Variants in HIC1 observed in about 807,000 individuals in gnomAD.
The protein encoded by HIC1 is HIC ZBTB transcriptional repressor 1.
HIC1 carries 9 observed loss-of-function variants against 26.4 expected under a neutral mutation model. The observed-to-expected ratio is 0.34, with a 90% CI of 0.21 to 0.59. HIC1 has a LOEUF of 0.59. Ranked by LOEUF, HIC1 falls within the 20% of genes least tolerant of loss-of-function variation. The pLI, the probability that HIC1 is intolerant of heterozygous loss-of-function variation, is 0.82. For missense variants in HIC1, 965 were observed against 1,075.7 expected (o/e 0.90, Z 1.44); for synonymous variants, 631 against 523.1 (o/e 1.21, Z -2.81).
Position 2,058,143 on chromosome 17 carries a change from C to T in HIC1, c.1453C>T (p.Leu485=), listed in dbSNP as rs768103838. 5.2e-5 allele frequency: 84 copies of T among 1,607,050 alleles called. No homozygotes were observed. The highest frequency in any genetic ancestry group is 6.9e-5 in the Non-Finnish European group (81 of 1,179,200). ...AGAPGGLGEL[L]RPYRCASCDK... is the part of the protein sequence containing the mutation. Reference sequence around the variant, plus strand: ...GGCTCCGGGTGGCCTGGGAGAGCTGCTGCGGCCCTACCGCTGCGCGTCGTG... The same window carrying T: ...GGCTCCGGGTGGCCTGGGAGAGCTGTTGCGGCCCTACCGCTGCGCGTCGTG... Residue 485 remains leucine, a synonymous_variant, in exon 2 of 2, where the codon CTG becomes TTG. Coordinates refer to ENST00000619757, the MANE Select transcript of HIC1 (RefSeq NM_006497.4).
Position 2,063,061 on chromosome 17 carries a change from T to C in HIC1, c.*4226T>C. The C allele has an allele frequency of 6.6e-6, 1 of 152,386 alleles. No homozygotes were observed. The highest frequency in any genetic ancestry group is 6.5e-5 in the Admixed American group (1 of 15,302). The allele number at this position is 152,386 out of a possible 1,614,324, so 9.4% of individuals were successfully genotyped here. A position where few individuals can be genotyped will look rare whatever the true frequency, so the allele number is the denominator to read the frequency against. On this transcript the variant is annotated 3_prime_UTR_variant, in exon 2 of 2. Transcript: ENST00000619757. ...GCTGGGGTGGTGGTATGCAGGGCTG[T>C]GTGGGGCTCCCAGCTGACTGGCTGC... is the stretch of plus-strand genomic sequence containing the variant.
In HIC1 at chr17:2,058,541, C is replaced by T. The variant is rs1041647597; in HGVS notation, c.1851C>T (p.Gly617=). Residue 617 remains glycine (G), a synonymous_variant, in exon 2 of 2, where the codon GGC becomes GGT. Coordinates refer to ENST00000619757, the MANE Select transcript of HIC1 (RefSeq NM_006497.4). The part of the protein sequence containing the change: ...AGLGGLPGVP[G]PDGKGKLDFP... ...TGGGGGGGCTCCCCGGCGTCCCCGGCCCCGACGGCAAGGGCAAGCTCGACT... is the reference window on the plus strand; with the variant it reads ...TGGGGGGGCTCCCCGGCGTCCCCGGTCCCGACGGCAAGGGCAAGCTCGACT... 2 of 1,518,778 alleles carry T rather than the reference C, an allele frequency of 1.3e-6. No homozygotes were observed. The highest frequency in any genetic ancestry group is 8.8e-7 in the Non-Finnish European group (1 of 1,139,412). The allele number at this position is 1,518,778 out of a possible 1,614,324, so 94.1% of individuals were successfully genotyped here.
Position 2,056,023 on chromosome 17 carries a change from C to T in HIC1, c.-20-648C>T, listed in dbSNP as rs1181917184. On this transcript the variant is annotated intron_variant, in intron 1 of 1. Transcript: ENST00000619757. ...GAGCTGCGTGGCTCCCCCCTCCCCCCCACCTGCTTCCTGCCTCAGCCTCCT... is the reference window on the plus strand; with the variant it reads ...GAGCTGCGTGGCTCCCCCCTCCCCCTCACCTGCTTCCTGCCTCAGCCTCCT... 6.8e-5 allele frequency among the ~76,000 whole-genome samples: 10 copies of T among 147,856 alleles called. No individual in the cohort carries two copies. The South Asian group carries it at 1.9e-3, about 28-fold the overall frequency.
In HIC1 at chr17:2,057,674, G is replaced by A. The variant is rs762931534; in HGVS notation, c.984G>A (p.Arg328=). ...GTAGCTATGGCGACGAGCTGGGCCG[G>A]GAGCGCGGCTCCCCCAGCGAGCGCT... is the stretch of plus-strand genomic sequence containing the variant. The part of the protein sequence containing the change: ...GLGSYGDELG[R]ERGSPSERCE... Residue 328 remains arginine, a synonymous_variant, in exon 2 of 2, where the codon CGG becomes CGA. Coordinates refer to ENST00000619757, the MANE Select transcript of HIC1 (RefSeq NM_006497.4). 6.6e-7 allele frequency: 1 copy of A among 1,505,810 alleles called. No individual in the cohort carries two copies. Among genetic ancestry groups the A allele is most frequent in the Non-Finnish European group, 8.8e-7 (1 of 1,134,656 alleles). The allele number at this position is 1,505,810 out of a possible 1,614,324, so 93.3% of individuals were successfully genotyped here.
chr17:2,056,463 G>A, intron 1 of HIC1: 1 of 1,346,256 alleles, frequency 7.4e-7, no homozygotes, highest in Non-Finnish European at 1.1e-6. Flanking sequence ...ACCGGCGGCC[G>A]CTCACCTCCT....
At position 2,057,138 on chromosome 17, in the gene HIC1, G is replaced by A. The variant is rs1344546752; in HGVS notation, c.448G>A (p.Ala150Thr). The part of the protein sequence containing the change: ...RGGGGGGGGY[A>T]PYGRPGRGLR... ...CGGCGGCGGCGGCGGCGGCGGCTAC[G>A]CGCCCTATGGTCGGCCGGGCCGGGG... The change falls in exon 2 of 2, where the codon GCG (alanine) becomes ACG (threonine). Residue 150 changes from alanine to threonine, a missense_variant. Coordinates refer to ENST00000619757, the MANE Select transcript of HIC1 (RefSeq NM_006497.4). The A allele has an allele frequency of 2.0e-5, 26 of 1,310,144 alleles. No homozygotes were observed. The highest frequency in any genetic ancestry group is 2.3e-5 in the Non-Finnish European group (24 of 1,039,354). The allele number at this position is 1,310,144 out of a possible 1,614,324, so 81.2% of individuals were successfully genotyped here.
Position 2,056,756 on chromosome 17 carries a change from C to A in HIC1, c.66C>A (p.Arg22=). 6.2e-7 allele frequency: 1 copy of A among 1,612,138 alleles called. No homozygotes were observed. Among genetic ancestry groups the A allele is most frequent in the Non-Finnish European group, 8.5e-7 (1 of 1,179,454 alleles). The change falls in exon 2 of 2, where the codon CGC becomes CGA. Residue 22 remains arginine (R), a synonymous_variant. Transcript: ENST00000619757. ...RQLLLQLNNQ[R]TKGFLCDVII... is the part of the protein sequence containing the mutation. The stretch of plus-strand genomic sequence containing the variant: ...TGCTGCTGCAGCTCAACAACCAGCG[C>A]ACCAAGGGCTTCTTGTGCGACGTGA...
rs1198511855 is a variant in HIC1, at chr17:2,057,917, G to C, written c.1227G>C (p.Glu409Asp). 1 of 1,608,788 alleles carries C rather than the reference G, an allele frequency of 6.2e-7. No homozygotes were observed. The highest frequency in any genetic ancestry group is 8.5e-7 in the Non-Finnish European group (1 of 1,178,082). Residue 409 changes from glutamate to aspartate, a missense_variant, in exon 2 of 2, where the codon GAG becomes GAC. By Grantham distance (45) the Glu-to-Asp change is conservative. Transcript: ENST00000619757. Reference sequence around the variant, plus strand: ...CATGCCCGCACCTGGCCTATGGCGAGCCCGAGAGCTTCGGTGACAACCTGT... The same window carrying C: ...CATGCCCGCACCTGGCCTATGGCGACCCCGAGAGCTTCGGTGACAACCTGT... ...GYPCPHLAYGEPESFGDNLYV... is the reference protein window; with the variant it reads ...GYPCPHLAYGDPESFGDNLYV...
In HIC1 at chr17:2,058,626, C is replaced by T. The variant is rs2067699765; in HGVS notation, c.1936C>T (p.Gln646Ter). 1 of 1,563,682 alleles carries T rather than the reference C, an allele frequency of 6.4e-7. No individual in the cohort carries two copies. Among genetic ancestry groups the T allele is most frequent in the Non-Finnish European group, 8.6e-7 (1 of 1,162,050 alleles). ...GGCCGAGCAGCTGAGCCTGAAGCAG[C>T]AGGACAAGGCGGCCGCGGCCGAGCT... is the stretch of plus-strand genomic sequence containing the variant. Reference protein sequence around the residue: ...LTAEQLSLKQQDKAAAAELLA... With the variant: ...LTAEQLSLKQ The change falls in exon 2 of 2, where the codon CAG becomes TAG. Residue 646 changes from glutamine to a stop codon, truncating the protein, a stop_gained. Coordinates refer to ENST00000619757, the MANE Select transcript of HIC1 (RefSeq NM_006497.4). LOFTEE classifies it high-confidence loss of function.
rs1567556343 is a variant in HIC1 at position 2,056,948 on chromosome 17, C to T, written c.258C>T (p.Arg86=). ...TGCTGGACTTCATCTACACCGGCCG[C>T]CTGGCTGACGGCGCAGAGGCGGCTG... ...RLVLDFIYTG[R]LADGAEAAAA... is the part of the protein sequence containing the mutation. The change falls in exon 2 of 2, where the codon CGC becomes CGT. Residue 86 remains arginine (R), a synonymous_variant. Transcript: ENST00000619757. 3 of 1,607,302 alleles carry T rather than the reference C, an allele frequency of 1.9e-6. No homozygotes were observed. Among genetic ancestry groups the T allele is most frequent in the Non-Finnish European group, 2.5e-6 (3 of 1,177,798 alleles).
chr17:2,061,732 G>T lies in HIC1; in HGVS notation c.*2897G>T. On this transcript the variant is annotated 3_prime_UTR_variant, in exon 2 of 2. Transcript: ENST00000619757. ...CTGGGGAGGGGGTGCCACGCTAGCC[G>T]TGTCTTGGCTCTTCTACCAGTCCTT... 8.0e-7 allele frequency: 1 copy of T among 1,253,498 alleles called. No homozygotes were observed. Among genetic ancestry groups the T allele is most frequent in the Non-Finnish European group, 1.1e-6 (1 of 902,790 alleles). The allele number at this position is 1,253,498 out of a possible 1,614,324, so 77.6% of individuals were successfully genotyped here.
At position 2,055,443 on chromosome 17, in the gene HIC1, C is replaced by T. The variant is rs1035278625; in HGVS notation, c.-21+205C>T. Among the ~76,000 whole-genome samples the T allele has an allele frequency of 5.9e-5, 9 of 151,514 alleles. No homozygotes were observed. The highest frequency in any genetic ancestry group is 8.8e-5 in the Non-Finnish European group (6 of 67,840). On this transcript the variant is annotated intron_variant, in intron 1 of 1. Transcript: ENST00000619757. The surrounding 1 kb of genome is among the most constrained non-coding windows in gnomAD (Gnocchi z 6.4). ...CGGGTTCACGGCGGGGTCAGCGGCC[C>T]GGGGCCGGCTCTGCCCGCACATGGG...
At position 2,061,368 on chromosome 17, in the gene HIC1, A is replaced by C; in HGVS notation, c.*2533A>C. The stretch of plus-strand genomic sequence containing the variant: ...CAGCATGGCCGTGGCGTGGGTTGGA[A>C]GAGGATGGTTTATTGTCTGGGTGGA... On this transcript the variant is annotated 3_prime_UTR_variant, in exon 2 of 2. Coordinates refer to ENST00000619757, the MANE Select transcript of HIC1 (RefSeq NM_006497.4). The C allele has an allele frequency of 2.1e-6, 2 of 960,634 alleles. No individual in the cohort carries two copies. Among genetic ancestry groups the C allele is most frequent in the Non-Finnish European group, 3.1e-6 (2 of 654,728 alleles). The allele number at this position is 960,634 out of a possible 1,614,324, so 59.5% of individuals were successfully genotyped here. A position where few individuals can be genotyped will look rare whatever the true frequency, so the allele number is the denominator to read the frequency against.
chr17:2,061,959 A>C lies in HIC1; in HGVS notation c.*3124A>C, dbSNP rs1310984334. ...CTTGACCTCTACTCCTTTTTACCACATGGCTGGCCCCCAGATCACAACACC... is the reference window on the plus strand; with the variant it reads ...CTTGACCTCTACTCCTTTTTACCACCTGGCTGGCCCCCAGATCACAACACC... On this transcript the variant is annotated 3_prime_UTR_variant, in exon 2 of 2. Transcript: ENST00000619757. 3 of 197,580 alleles carry C rather than the reference A, an allele frequency of 1.5e-5. No homozygotes were observed. The highest frequency in any genetic ancestry group is 4.7e-5 in the African/African-American group (2 of 42,794). 12.2% of individuals were successfully genotyped at this position (197,580 alleles called of 1,614,324 possible). A position where few individuals can be genotyped will look rare whatever the true frequency, so the allele number is the denominator to read the frequency against.
Position 2,057,815 on chromosome 17 carries a change from C to G in HIC1, c.1125C>G (p.Asp375Glu). 6.4e-7 allele frequency: 1 copy of G among 1,559,920 alleles called. No individual in the cohort carries two copies. Among genetic ancestry groups the G allele is most frequent in the Admixed American group, 1.9e-5 (1 of 53,450 alleles). The change falls in exon 2 of 2, where the codon GAC (aspartate) becomes GAG (glutamate). Residue 375 changes from aspartate (D) to glutamate (E), a missense_variant. Coordinates refer to ENST00000619757, the MANE Select transcript of HIC1 (RefSeq NM_006497.4). ...GGCCCGGCGCGGGCGGCGACGGCGA[C>G]GACTACAAGAGCAGCAGCGAGGAGA... ...LDGPGAGGDG[D>E]DYKSSSEETG... is the part of the protein sequence containing the mutation.
rs2067667980 is a variant in HIC1 at position 2,055,944 on chromosome 17, C to T, written c.-21+706C>T. On this transcript the variant is annotated intron_variant, in intron 1 of 1. Transcript: ENST00000619757. This position sits in a 1 kb window ranked among gnomAD's most constrained non-coding sequence, Gnocchi z 6.4. The stretch of plus-strand genomic sequence containing the variant: ...GTGGGGCGCAGGCCCGGGTCAGGGC[C>T]GCAGCCGGCTGTGCGCCGTGCCCGC... 6.7e-6 allele frequency among the ~76,000 whole-genome samples: 1 copy of T among 150,188 alleles called. No homozygotes were observed. The highest frequency in any genetic ancestry group is 1.5e-5 in the Non-Finnish European group (1 of 67,268).
In HIC1 at chr17:2,058,658, G is replaced by T; in HGVS notation, c.1968G>T (p.Ala656=). ...QDKAAAAELL[A]QTTHFLHDPK... is the part of the protein sequence containing the mutation. Reference sequence around the variant, plus strand: ...AGGCGGCCGCGGCCGAGCTGCTGGCGCAGACCACGCACTTCCTGCACGACC... The same window carrying T: ...AGGCGGCCGCGGCCGAGCTGCTGGCTCAGACCACGCACTTCCTGCACGACC... The change falls in exon 2 of 2, where the codon GCG becomes GCT. Residue 656 remains alanine (A), a synonymous_variant. Coordinates refer to ENST00000619757, the MANE Select transcript of HIC1 (RefSeq NM_006497.4). The T allele has an allele frequency of 6.4e-7, 1 of 1,562,422 alleles. No homozygotes were observed.
At chr17:2,056,617 C>A in intron 1 of HIC1, 54 bp from the exon 2 acceptor site, 11 of 1,469,272 alleles carry the variant, frequency 7.5e-6, no homozygotes, top group Non-Finnish European at 9.9e-6. Flanking sequence ...CGGGCTGGGG[C>A]CAGGCGGCCA....
rs2067774434 is a variant in HIC1, at chr17:2,061,475, G to GA, written c.*2640_*2641insA. 4 of 1,565,204 alleles carry GA rather than the reference G, an allele frequency of 2.6e-6. No homozygotes were observed. The highest frequency in any genetic ancestry group is 2.3e-5 in the East Asian group (1 of 42,590). ...TCAGGAACGGTTCCACGGGGGGGGG[G>GA]CCCCAGTGTGGCTCCCTCAGCCCAC... On this transcript the variant is annotated 3_prime_UTR_variant, in exon 2 of 2. Coordinates refer to ENST00000619757, the MANE Select transcript of HIC1 (RefSeq NM_006497.4).
Sources: gnomAD v4.1 joint callset for allele counts (sites outside exome capture counted in the v4.1 genomes callset) on GRCh38, gnomAD v4.1.1 for gene constraint, Gnocchi (gnomAD v3.1) non-coding constraint, MANE v1.5 for transcripts, NCBI Gene and HGNC (gene_info 2026-07-23, HGNC 2026-07-21) for gene names.